Variants in TRHDE observed in about 807,000 individuals in gnomAD.
TRHDE encodes the protein thyrotropin releasing hormone degrading enzyme.
In TRHDE, 72 loss-of-function variants were observed where a neutral mutation model predicts 125.7. That is an observed-to-expected ratio of 0.57 (90% CI 0.47 to 0.70). The LOEUF (loss-of-function observed/expected upper bound fraction) is 0.70. Ranked by LOEUF, TRHDE falls within the 30% of genes least tolerant of loss-of-function variation. The pLI is 0.00. For missense variants in TRHDE, 1,110 were observed against 1,327.1 expected (o/e 0.84, Z 2.54); for synonymous variants, 509 against 509.1 (o/e 1.00, Z 0.00).
intron 2 of TRHDE, among the ~76,000 whole-genome samples, chr12:72,124,885 C>T (rs926547797): frequency 2.0e-5 from 3 of 152,228 alleles, no homozygotes; most frequent in Middle Eastern, 3.4e-3. Context: ...AAAGAGAAAT[C>T]ATTGAATTGT....
intron 2 of TRHDE, among the ~76,000 whole-genome samples, chr12:72,247,450 A>G (rs1231561781): frequency 6.6e-6 from 1 of 152,118 alleles, no homozygotes; most frequent in Non-Finnish European, 1.5e-5. Flanking sequence ...TATTTTGAGA[A>G]CTTCTATTCT....
At chr12:72,652,568 T>A (rs1874549386) in intron 16 of TRHDE, 79 bp downstream of exon 16, 1 of 1,116,740 alleles carries the variant, frequency 9.0e-7, no homozygotes, top group Admixed American at 2.4e-5. Context: ...TTGCTTTTAT[T>A]TACTTGAATA....
At chr12:72,370,107 G>A (rs1871509988) in intron 2 of TRHDE, among the ~76,000 whole-genome samples, 2 of 152,014 alleles carry the variant, frequency 1.3e-5, no homozygotes, top group Admixed American at 1.3e-4. Context: ...TGTTCAACTG[G>A]GTCTCATGTG....
intron 3 of TRHDE, among the ~76,000 whole-genome samples, chr12:72,462,312 C>T (rs1267800454): frequency 6.6e-6 from 1 of 152,100 alleles, no homozygotes; most frequent in Non-Finnish European, 1.5e-5. Flanking sequence ...GGCATAGAGC[C>T]CATCTGTGAA....
intron 2 of TRHDE, among the ~76,000 whole-genome samples, chr12:72,199,020 ACACT>A (rs1877501100): frequency 6.6e-6 from 1 of 152,152 alleles, no homozygotes; most frequent in South Asian, 2.1e-4. Flanking sequence ...TCGTGAGAAC[ACACT>A]CACTATCATG....
At chr12:72,466,328 G>A (rs1484044190) in intron 3 of TRHDE, among the ~76,000 whole-genome samples, 1 of 152,146 alleles carries the variant, frequency 6.6e-6, no homozygotes, top group Non-Finnish European at 1.5e-5. Flanking sequence ...TGATATGCTA[G>A]CTTAGCCTTG....
rs771612462 is a variant in TRHDE at position 72,562,191 on chromosome 12, T to TA, written c.1817dup (p.Asn606LysfsTer6). ...ATTATTTAACCATTCATAAGTATGG[T>TA]AATGCAGCCAGAAATGATCTCTGGA... On this transcript the variant is annotated frameshift_variant, in exon 8 of 19. Transcript: ENST00000261180. LOFTEE classifies it high-confidence loss of function. 1 of 1,565,128 alleles carries TA rather than the reference T, an allele frequency of 6.4e-7. No homozygotes were observed. The highest frequency in any genetic ancestry group is 1.1e-5 in the South Asian group (1 of 87,692).
At chr12:72,128,163 T>C (rs1052682045) in intron 2 of TRHDE, among the ~76,000 whole-genome samples, 1 of 152,166 alleles carries the variant, frequency 6.6e-6, no homozygotes, top group Admixed American at 6.5e-5. Flanking sequence ...TTGCAGCACA[T>C]TGAGTACTCG....
intron 2 of TRHDE, among the ~76,000 whole-genome samples, chr12:72,287,238 G>A (rs1295769940): frequency 1.3e-5 from 2 of 151,944 alleles, no homozygotes; most frequent in Admixed American, 6.6e-5. Flanking sequence ...TACATCTCTG[G>A]AACAGCTACT....
chr12:72,216,338 T>A (rs907334599), intron 2 of TRHDE, among the ~76,000 whole-genome samples: 1 of 152,174 alleles, frequency 6.6e-6, no homozygotes, highest in African/African-American at 2.4e-5. Context: ...CACTTTATTC[T>A]TATGAAATCC....
rs945701453 is a variant in TRHDE, at chr12:72,662,793, A to T, written c.3067-259A>T. 6.6e-5 allele frequency among the ~76,000 whole-genome samples: 10 copies of T among 151,836 alleles called. No homozygotes were observed. The East Asian group carries it at 1.7e-3, about 26-fold the overall frequency. On this transcript the variant is annotated intron_variant, in intron 18 of 18. Transcript: ENST00000261180. ...TCATGAAACATGAAGCTGAATTTGG[A>T]GCTATTTAAGTTGTAATGTCCACTG...
intron 2 of TRHDE, among the ~76,000 whole-genome samples, chr12:72,161,454 C>A (rs1876635921): frequency 1.3e-5 from 2 of 149,868 alleles, no homozygotes; most frequent in South Asian, 4.2e-4. Flanking sequence ...AAAAAAATTG[C>A]TGCATTGATC....
chr12:72,439,574 T>C (rs1165115544), intron 3 of TRHDE, among the ~76,000 whole-genome samples: 1 of 151,858 alleles, frequency 6.6e-6, no homozygotes, highest in Non-Finnish European at 1.5e-5. Flanking sequence ...ATTATTTTTC[T>C]GATTTCCTAT....
intron 3 of TRHDE, among the ~76,000 whole-genome samples, chr12:72,434,325 C>T (rs1470362067): frequency 6.9e-6 from 1 of 144,842 alleles, no homozygotes; most frequent in Non-Finnish European, 1.5e-5. Flanking sequence ...GCAGAGGTTG[C>T]AGTTAGCCAA....
At chr12:72,308,032 A>G (rs1391909102) in intron 2 of TRHDE, among the ~76,000 whole-genome samples, 1 of 152,162 alleles carries the variant, frequency 6.6e-6, no homozygotes, top group African/African-American at 2.4e-5. Flanking sequence ...CCACCAATAA[A>G]TGCCTGAAAG....
chr12:72,369,080 T>C (rs1321674838), intron 2 of TRHDE, among the ~76,000 whole-genome samples: 1 of 152,176 alleles, frequency 6.6e-6, no homozygotes, highest in Admixed American at 6.6e-5. Context: ...TATCTGCCTT[T>C]AGTATGTTTT....
In TRHDE at chr12:72,310,419, A is replaced by G. The variant is rs185058656; in HGVS notation, c.1188+23465A>G. ...GCTTTTCACTTACTTAAAAATCTTG[A>G]CTGCGTTTATTTTTGTGATAATTGA... is the stretch of plus-strand genomic sequence containing the variant. On this transcript the variant is annotated intron_variant, in intron 2 of 18. Coordinates refer to ENST00000261180, the MANE Select transcript of TRHDE (RefSeq NM_013381.3). Among the ~76,000 whole-genome samples the G allele has an allele frequency of 7.5e-4, 115 of 152,332 alleles. 2 individuals are homozygous for G. Among genetic ancestry groups the G allele is most frequent in the South Asian group, 5.0e-3 (24 of 4,832 alleles).
intron 3 of TRHDE, among the ~76,000 whole-genome samples, chr12:72,433,392 T>G (rs376433338): frequency 2.5e-4 from 38 of 152,240 alleles, no homozygotes; most frequent in East Asian, 1.7e-3. Context: ...CAGGCCCCTT[T>G]GTGGGAGTAA....
At chr12:72,251,746 T>A (rs1878688037) in intron 2 of TRHDE, among the ~76,000 whole-genome samples, 1 of 152,124 alleles carries the variant, frequency 6.6e-6, no homozygotes, top group Non-Finnish European at 1.5e-5. Context: ...ATGAAAAGGT[T>A]TCCCAGTGTG....
Sources: allele counts gnomAD v4.1 joint callset (sites outside exome capture counted in the v4.1 genomes callset), GRCh38; gene constraint gnomAD v4.1.1; transcripts MANE v1.5; gene names NCBI Gene and HGNC (gene_info 2026-07-23, HGNC 2026-07-21).